The following TTC17 variants were observed in gnomAD, a reference collection of about 807,000 sequenced individuals.
The protein encoded by TTC17 is tetratricopeptide repeat protein 17.
A neutral mutation model predicts 143.8 loss-of-function variants in TTC17; 58 were observed. That is an observed-to-expected ratio of 0.40 (90% CI 0.33 to 0.50). The LOEUF (loss-of-function observed/expected upper bound fraction) is 0.50, where lower values mean the gene tolerates loss of function less well. Among genes scored for constraint, TTC17 ranks in the 20% least tolerant of loss-of-function variants. The probability of loss-of-function intolerance (pLI) is 0.49; values close to 1 mark genes in which losing one functional copy is unlikely to be tolerated. For synonymous variants in TTC17, 501 were observed against 497.8 expected (o/e 1.01, Z -0.09); for missense variants, 1,273 against 1,392.5 (o/e 0.91, Z 1.37).
Position 43,448,077 on chromosome 11 carries a change from C to G in TTC17, c.2741C>G (p.Thr914Ser). The G allele has an allele frequency of 1.2e-6, 2 of 1,614,170 alleles. No homozygotes were observed. Among genetic ancestry groups the G allele is most frequent in the Non-Finnish European group, 1.7e-6 (2 of 1,180,008 alleles). ...ECLKLRWVEL[T>S]AIVSTWLAVS... ...CTCAAACTCCGCTGGGTAGAGCTGA[C>G]TGCCATCGTGAGTACCTGGCTTGCA... The change falls in exon 19 of 24, where the codon ACT (threonine) becomes AGT (serine). Residue 914 changes from threonine to serine, a missense_variant. Thr to Ser is a moderately conservative substitution (Grantham distance 58). This residue lies in a region of TTC17 where 878 missense variants were observed against 899.8 expected (regional missense o/e 0.98). Coordinates refer to ENST00000039989, the MANE Select transcript of TTC17 (RefSeq NM_018259.6).
chr11:43,399,169 T>C (rs1458367088), intron 8 of TTC17, among the ~76,000 whole-genome samples: 1 of 152,204 alleles, frequency 6.6e-6, no homozygotes, highest in Non-Finnish European at 1.5e-5. Context: ...CAAAGTACTG[T>C]GGCCCCTAAC....
At chr11:43,371,495 C>T (rs545292230) in intron 1 of TTC17, among the ~76,000 whole-genome samples, 17 of 152,164 alleles carry the variant, frequency 1.1e-4, no homozygotes, top group African/African-American at 7.2e-5. Context: ...CACAGGGTGA[C>T]GTATGGGGCA....
In TTC17 at chr11:43,443,486, C is replaced by G. The variant is rs773308092; in HGVS notation, c.2413C>G (p.Gln805Glu). The G allele has an allele frequency of 2.0e-5, 32 of 1,613,992 alleles. No individual in the cohort carries two copies. The highest frequency in any genetic ancestry group is 4.5e-5 in the East Asian group (2 of 44,892). ...GATGAAAGGGCGGCGTCTAGACTTA[C>G]AAGGAATACGGGTGCTGAAGAAAGG... is the stretch of plus-strand genomic sequence containing the variant. ...LEMKGRRLDL[Q>E]GIRVLKKGPQ... The change falls in exon 17 of 24, where the codon CAA (glutamine) becomes GAA (glutamate). Residue 805 changes from glutamine to glutamate, a missense_variant. Physicochemically the swap from Gln to Glu is conservative, Grantham distance 29. Transcript: ENST00000039989.
At chr11:43,422,072 T>C (rs1367433180) in intron 16 of TTC17, among the ~76,000 whole-genome samples, 2 of 152,270 alleles carry the variant, frequency 1.3e-5, no homozygotes, top group South Asian at 4.1e-4. Flanking sequence ...AGAGATGATA[T>C]TGGCCTGTAC....
intron 21 of TTC17, among the ~76,000 whole-genome samples, chr11:43,478,350 A>ATC (rs1359778579): frequency 1.3e-5 from 2 of 152,216 alleles, no homozygotes; most frequent in African/African-American, 4.8e-5. Flanking sequence ...ACATAGGAAC[A>ATC]ACCAACTGAA....
chr11:43,448,652 A>G (rs1223866032), intron 19 of TTC17: 1 of 152,704 alleles, frequency 6.5e-6, no homozygotes, highest in African/African-American at 2.4e-5. Flanking sequence ...CCAAAATTCC[A>G]ATCAACACAA....
intron 23 of TTC17, 133 bp from the exon 24 acceptor site, chr11:43,493,640 A>C: frequency 7.4e-7 from 1 of 1,358,146 alleles, no homozygotes; most frequent in South Asian, 1.3e-5. Context: ...TTTTCCACAA[A>C]GACTTAGATC....
At chr11:43,434,220 C>T (rs1180712084) in intron 16 of TTC17, among the ~76,000 whole-genome samples, 1 of 135,864 alleles carries the variant, frequency 7.4e-6, no homozygotes, top group Non-Finnish European at 1.6e-5. Context: ...CACACACACA[C>T]ACACACACAC....
chr11:43,428,575 G>A (rs1379317646), intron 16 of TTC17, among the ~76,000 whole-genome samples: 1 of 152,208 alleles, frequency 6.6e-6, no homozygotes, highest in Non-Finnish European at 1.5e-5. Flanking sequence ...CACATGGCAA[G>A]ACCAAGAGGC....
At chr11:43,412,823 T>G (rs1858476887) in intron 15 of TTC17, among the ~76,000 whole-genome samples, 1 of 152,166 alleles carries the variant, frequency 6.6e-6, no homozygotes, top group Non-Finnish European at 1.5e-5. Context: ...ATACATCATG[T>G]TCACACATTG....
At chr11:43,476,946 T>C (rs1386071867) in intron 21 of TTC17, among the ~76,000 whole-genome samples, 1 of 152,230 alleles carries the variant, frequency 6.6e-6, no homozygotes, top group African/African-American at 2.4e-5. Flanking sequence ...TTTCTAAACT[T>C]TTATGTTCTG....
chr11:43,475,073 A>G (rs1305720992), intron 21 of TTC17, among the ~76,000 whole-genome samples: 1 of 152,142 alleles, frequency 6.6e-6, no homozygotes, highest in African/African-American at 2.4e-5. Flanking sequence ...TATTGAAAAA[A>G]ATCCGTGTGT....
At chr11:43,478,015 T>G (rs746945043) in intron 21 of TTC17, among the ~76,000 whole-genome samples, 6 of 151,986 alleles carry the variant, frequency 3.9e-5, no homozygotes, top group Non-Finnish European at 7.4e-5. Context: ...ACCTATAAAG[T>G]AGTTTTGTCC....
At chr11:43,362,895 C>G (rs1856175261) in intron 1 of TTC17, among the ~76,000 whole-genome samples, 1 of 152,178 alleles carries the variant, frequency 6.6e-6, no homozygotes. Flanking sequence ...AGAGAACATT[C>G]CAATCACTAA....
At chr11:43,478,583 GGGT>G (rs1367162518) in intron 21 of TTC17, among the ~76,000 whole-genome samples, 6 of 152,066 alleles carry the variant, frequency 3.9e-5, no homozygotes, top group Non-Finnish European at 8.8e-5. Context: ...GAGCACATGA[GGGT>G]TCATTATATT....
At chr11:43,391,156 T>C (rs1226675294) in intron 3 of TTC17, among the ~76,000 whole-genome samples, 4 of 152,218 alleles carry the variant, frequency 2.6e-5, no homozygotes, top group African/African-American at 9.6e-5. Context: ...CCCAGCACTT[T>C]GGGAGGCCAA....
intron 1 of TTC17, among the ~76,000 whole-genome samples, chr11:43,376,420 A>G (rs1002903537): frequency 2.6e-5 from 4 of 152,200 alleles, no homozygotes; most frequent in Non-Finnish European, 4.4e-5. Context: ...GTAAGTGAAA[A>G]TGATTATAAT....
intron 10 of TTC17, 112 bp from the exon 11 acceptor site, chr11:43,403,886 C>G (rs1857987466): frequency 1.1e-6 from 1 of 872,164 alleles, no homozygotes; most frequent in African/African-American, 1.7e-5. Context: ...GAGCTACTTT[C>G]TGATTTTCTA....
At chr11:43,359,701 A>G (rs1192797205) in intron 1 of TTC17, among the ~76,000 whole-genome samples, 3 of 152,216 alleles carry the variant, frequency 2.0e-5, no homozygotes, top group African/African-American at 4.8e-5. Context: ...ACTCCCCTTC[A>G]GAAGGAATGC....
Sources: allele counts gnomAD v4.1 joint callset (sites outside exome capture counted in the v4.1 genomes callset), GRCh38; gene constraint gnomAD v4.1.1; regional missense constraint gnomAD v4.1.1; transcripts MANE v1.5; gene names NCBI Gene and HGNC (gene_info 2026-07-23, HGNC 2026-07-21).